Variants in RYR2 observed in about 807,000 individuals in gnomAD.
RYR2 encodes the protein ryanodine receptor 2.
A neutral mutation model predicts 601.1 loss-of-function variants in RYR2; 227 were observed. The ratio of observed to expected loss-of-function variants is 0.38; its 90% CI spans 0.34 to 0.42. The LOEUF is 0.42. RYR2 is among the 10% of genes least tolerant of loss of function. The pLI, the probability that RYR2 is intolerant of heterozygous loss-of-function variation, is 1.00. For missense variants in RYR2, 4,646 were observed against 6,156.5 expected, an observed-to-expected ratio of 0.75 and a Z score of 8.21; for synonymous variants, 2,223 against 2,175.1, an observed-to-expected ratio of 1.02 and a Z score of -0.61.
chr1:237,694,224 G>A (rs1687209125), intron 63 of RYR2, among the ~76,000 whole-genome samples: 1 of 151,374 alleles, frequency 6.6e-6, no homozygotes, highest in African/African-American at 2.4e-5. Flanking sequence ...AACCCAGGAG[G>A]TGGAGTTTGC....
At chr1:237,711,945 A>T in intron 71 of RYR2, 108 bp downstream of exon 71, 1 of 660,618 alleles carries the variant, frequency 1.5e-6, no homozygotes, top group African/African-American at 1.8e-5. Context: ...AATCTGACAG[A>T]TTTGGTAATG....
intron 1 of RYR2, among the ~76,000 whole-genome samples, chr1:237,200,064 C>T (rs973295666): frequency 2.0e-5 from 3 of 152,150 alleles, no homozygotes; most frequent in Non-Finnish European, 4.4e-5. Context: ...AGGTCTGTTA[C>T]TATCATCACT....
chr1:237,643,563 C>G, intron 48 of RYR2, 116 bp downstream of exon 48: 1 of 1,066,634 alleles, frequency 9.4e-7, no homozygotes, highest in Non-Finnish European at 1.3e-6. Context: ...TATGTGTATA[C>G]TACTTAAATT....
chr1:237,377,472 T>C (rs796559813), intron 8 of RYR2, 37 bp downstream of exon 8: 2 of 1,445,618 alleles, frequency 1.4e-6, no homozygotes, highest in African/African-American at 1.4e-5. Context: ...TCTGCTGATA[T>C]GCTAAATGAC....
rs758125356 is a variant in RYR2, at chr1:237,732,146, A to G, written c.11036A>G (p.Lys3679Arg). ...TTTAGTCGGACAGCTTTAACAGAGA[A>G]ATGGTATGGTTGGGAGGGTTCCTAT... is the stretch of plus-strand genomic sequence containing the variant. The part of the protein sequence containing the change: ...LLFSRTALTE[K>R]CKLEEDFLYM... Residue 3679 changes from lysine (K) to arginine (R), a missense_variant, in exon 78 of 105, where the codon AAA becomes AGA. Around this residue, in one of 17 missense-constraint regions of RYR2, gnomAD observed 1,497 missense variants for 1,842.6 expected, o/e 0.81. Transcript: ENST00000366574. 8 of 1,600,480 alleles carry G rather than the reference A, an allele frequency of 5.0e-6. No individual in the cohort carries two copies. The East Asian group carries it at 1.8e-4, about 36-fold the overall frequency.
intron 1 of RYR2, among the ~76,000 whole-genome samples, chr1:237,250,874 G>A (rs530861352): frequency 5.7e-4 from 87 of 152,216 alleles, no homozygotes; most frequent in Non-Finnish European, 8.5e-4. Context: ...CACTGTTGTT[G>A]GAACTTTCTC....
intron 25 of RYR2, among the ~76,000 whole-genome samples, chr1:237,538,104 T>C (rs1668836424): frequency 6.6e-6 from 1 of 151,984 alleles, no homozygotes; most frequent in East Asian, 1.9e-4. Context: ...CTTTAGGAAG[T>C]TCAGGCCAGG....
intron 1 of RYR2, among the ~76,000 whole-genome samples, chr1:237,208,978 ATATATATG>A (rs1156640165): frequency 1.8e-4 from 16 of 88,726 alleles, no homozygotes; most frequent in African/African-American, 4.9e-4. Flanking sequence ...ATATATATAT[ATATATATG>A]TATACTGTAA....
At chr1:237,354,018 C>A (rs572025086) in intron 3 of RYR2, among the ~76,000 whole-genome samples, 1 of 152,276 alleles carries the variant, frequency 6.6e-6, no homozygotes, top group Admixed American at 6.5e-5. Flanking sequence ...AGAGACGTGT[C>A]ATGAAATCGT....
intron 66 of RYR2, among the ~76,000 whole-genome samples, chr1:237,704,122 G>A (rs1688176639): frequency 6.6e-6 from 1 of 152,084 alleles, no homozygotes; most frequent in African/African-American, 2.4e-5. Flanking sequence ...ACAGGTAGAA[G>A]CTATATGAGG....
At chr1:237,565,167 CTTT>C (rs1671878974) in intron 27 of RYR2, among the ~76,000 whole-genome samples, 1 of 20,372 alleles carries the variant, frequency 4.9e-5, no homozygotes. Flanking sequence ...CTCTTTCTTT[CTTT>C]CTTTCTTTCT....
At chr1:237,709,595 G>A (rs760214785) in intron 70 of RYR2, 28 bp downstream of exon 70, 9 of 1,464,480 alleles carry the variant, frequency 6.1e-6, no homozygotes, top group East Asian at 4.6e-5. Flanking sequence ...GATAGATCAC[G>A]CCTACTGTTT....
chr1:237,047,770 CA>C (rs958212660), intron 1 of RYR2, among the ~76,000 whole-genome samples: 2 of 152,062 alleles, frequency 1.3e-5, no homozygotes, highest in African/African-American at 4.8e-5. Flanking sequence ...ATGCTTTTTC[CA>C]GGTGCTTTTC....
At chr1:237,216,861 G>T (rs1318157496) in intron 1 of RYR2, among the ~76,000 whole-genome samples, 1 of 152,096 alleles carries the variant, frequency 6.6e-6, no homozygotes, top group Non-Finnish European at 1.5e-5. Context: ...TTAAGTTAGG[G>T]TCTGAGTAGC....
At chr1:237,267,968 G>C (rs1300887839) in intron 1 of RYR2, among the ~76,000 whole-genome samples, 1 of 152,166 alleles carries the variant, frequency 6.6e-6, no homozygotes, top group Non-Finnish European at 1.5e-5. Context: ...CACAGGGGTA[G>C]AGTGAGGATT....
chr1:237,695,449 A>C (rs2149004603), intron 63 of RYR2, among the ~76,000 whole-genome samples: 1 of 152,284 alleles, frequency 6.6e-6, no homozygotes, highest in African/African-American at 2.4e-5. Context: ...TGGGTCCTTG[A>C]AATACTGTGA....
chr1:237,646,917 G>T (rs903915339), intron 48 of RYR2, among the ~76,000 whole-genome samples: 1 of 152,170 alleles, frequency 6.6e-6, no homozygotes, highest in Admixed American at 6.5e-5. Context: ...GAGCCAATCC[G>T]TGAGTCTTGA....
At position 237,508,745 on chromosome 1, in the gene RYR2, T is replaced by C. The variant is rs932731897; in HGVS notation, c.2718+1931T>C. Among the ~76,000 whole-genome samples, 8 of 134,922 alleles carry C rather than the reference T, an allele frequency of 5.9e-5. No homozygotes were observed. In the East Asian group the frequency reaches 8.8e-4, roughly 15 times the overall value. 88.5% of individuals were successfully genotyped at this position (134,922 alleles called of 152,430 possible). A position where few individuals can be genotyped will look rare whatever the true frequency, so the allele number is the denominator to read the frequency against. Reference sequence around the variant, plus strand: ...ACTCTTCGGGTTTTCTTTTTTTTTTTTTTTTTTTTTTTTTTGAGACGGAGT... The same window carrying C: ...ACTCTTCGGGTTTTCTTTTTTTTTTCTTTTTTTTTTTTTTTGAGACGGAGT... On this transcript the variant is annotated intron_variant, in intron 23 of 104. Coordinates refer to ENST00000366574, the MANE Select transcript of RYR2 (RefSeq NM_001035.3).
intron 2 of RYR2, among the ~76,000 whole-genome samples, chr1:237,311,413 T>C (rs1436860853): frequency 6.6e-6 from 1 of 152,140 alleles, no homozygotes; most frequent in African/African-American, 2.4e-5. Context: ...CAGTGAGACA[T>C]TTAAAACCTA....
Sources: allele counts gnomAD v4.1 joint callset (sites outside exome capture counted in the v4.1 genomes callset), GRCh38; gene constraint gnomAD v4.1.1; regional missense constraint gnomAD v4.1.1; transcripts MANE v1.5; gene names NCBI Gene and HGNC (gene_info 2026-07-23, HGNC 2026-07-21).